TIAM1: variants seen among roughly 807,000 people sequenced by gnomAD.
TIAM1 encodes rho guanine nucleotide exchange factor TIAM1.
Under a neutral mutation model 163.5 loss-of-function variants are expected in TIAM1, and 65 were observed. The observed-to-expected ratio is 0.40, with a 90% CI of 0.33 to 0.49. The LOEUF is 0.49. TIAM1 is among the 20% of genes least tolerant of loss of function. The pLI, the probability that TIAM1 is intolerant of heterozygous loss-of-function variation, is 0.77. For synonymous variants in TIAM1, 833 were observed against 810.1 expected, an observed-to-expected ratio of 1.03 and a Z score of -0.48; for missense variants, 1,789 against 2,044.7, an observed-to-expected ratio of 0.87 and a Z score of 2.41.
intron 2 of TIAM1, among the ~76,000 whole-genome samples, chr21:31,433,955 A>G (rs528817892): frequency 7.0e-4 from 106 of 151,902 alleles, no homozygotes; most frequent in African/African-American, 2.5e-3. Context: ...GTACCACCAC[A>G]CCCGGCTAAT....
At chr21:31,516,895 C>G (rs2047400532) in intron 1 of TIAM1, among the ~76,000 whole-genome samples, 1 of 151,112 alleles carries the variant, frequency 6.6e-6, no homozygotes, top group Admixed American at 6.6e-5. Context: ...ACTAAAAATA[C>G]AAAAATTAGC....
chr21:31,292,489 C>T (rs1452517934), intron 2 of TIAM1, among the ~76,000 whole-genome samples: 1 of 151,694 alleles, frequency 6.6e-6, no homozygotes, highest in African/African-American at 2.4e-5. Flanking sequence ...CATGCCTCAG[C>T]CTCCCGAGTA....
At chr21:31,152,784 T>C in intron 18 of TIAM1, 23 bp from the exon 19 acceptor site, 1 of 1,613,036 alleles carries the variant, frequency 6.2e-7, no homozygotes, top group Non-Finnish European at 8.5e-7. Flanking sequence ...CAGAATTTAA[T>C]GCACCTCATA....
intron 12 of TIAM1, 66 bp downstream of exon 12, chr21:31,202,842 C>T (rs564374890): frequency 3.9e-5 from 56 of 1,447,876 alleles, no homozygotes; most frequent in African/African-American, 9.8e-5. Context: ...ACAATTAACA[C>T]GAGAACACTC....
At chr21:31,466,712 T>G (rs2045545465) in intron 1 of TIAM1, among the ~76,000 whole-genome samples, 1 of 152,196 alleles carries the variant, frequency 6.6e-6, no homozygotes, top group Non-Finnish European at 1.5e-5. Context: ...TGGTGCCCAG[T>G]AATACCTGAC....
intron 23 of TIAM1, among the ~76,000 whole-genome samples, chr21:31,134,023 G>A (rs777803034): frequency 4.6e-5 from 7 of 152,050 alleles, no homozygotes; most frequent in South Asian, 2.1e-4. Context: ...AGCCGAGAAC[G>A]CACCATTGCA....
intron 16 of TIAM1, among the ~76,000 whole-genome samples, chr21:31,163,877 AAGAG>A (rs60371057): frequency 0.017 from 2,580 of 152,360 alleles, 83 homozygotes; most frequent in African/African-American, 0.059. Flanking sequence ...AAGCAAAAAA[AAGAG>A]AGATCGTAGA....
In TIAM1 at chr21:31,130,205, G is replaced by C; in HGVS notation, c.4045+8C>G. On this transcript the variant is annotated splice_region_variant and intron_variant, in intron 25 of 27. Coordinates refer to ENST00000541036, the MANE Select transcript of TIAM1 (RefSeq NM_001353694.2). ...TGTGTGAAATACCCAGCACAGGTGA[G>C]AGTTTACCTGCACTCGCCAAAGCTC... 1 of 1,612,520 alleles carries C rather than the reference G, an allele frequency of 6.2e-7. No homozygotes were observed. Among genetic ancestry groups the C allele is most frequent in the Non-Finnish European group, 8.5e-7 (1 of 1,178,702 alleles).
chr21:31,558,413 A>G (rs1227031434), intron 1 of TIAM1, among the ~76,000 whole-genome samples: 1 of 152,100 alleles, frequency 6.6e-6, no homozygotes, highest in Non-Finnish European at 1.5e-5. Flanking sequence ...GGCGGCACGG[A>G]TCGCCAAGGT....
At chr21:31,555,905 TG>T (rs960469953) in intron 1 of TIAM1, among the ~76,000 whole-genome samples, 33 of 151,896 alleles carry the variant, frequency 2.2e-4, no homozygotes. Flanking sequence ...TGCAGGAATC[TG>T]GGGGGAAGGA....
At chr21:31,514,050 C>T (rs1406455099) in intron 1 of TIAM1, among the ~76,000 whole-genome samples, 3 of 152,052 alleles carry the variant, frequency 2.0e-5, no homozygotes, top group Non-Finnish European at 2.9e-5. Flanking sequence ...CCCCCAAAGG[C>T]CTGCGACAGA....
chr21:31,137,472 CTACCT>C (rs1240388803), intron 22 of TIAM1, among the ~76,000 whole-genome samples: 2 of 152,112 alleles, frequency 1.3e-5, no homozygotes, highest in African/African-American at 4.8e-5. Context: ...ATAGTCTCCA[CTACCT>C]ATCCCCCGAA....
At chr21:31,398,158 C>CA (rs34895602) in intron 2 of TIAM1, among the ~76,000 whole-genome samples, 6,625 of 51,708 alleles carry the variant, frequency 0.13, 614 homozygotes, top group Middle Eastern at 0.21. Context: ...ATCTTCAGGG[C>CA]AAAAAAAAAA....
chr21:31,266,708 T>G lies in TIAM1; in HGVS notation c.265A>C (p.Ile89Leu). ...DGTLEDFGSP[I>L]WVDRVDMGLR... ...CCCATGTCCACTCGGTCCACCCAGA[T>G]GGGGCTCCCGAAGTCTTCTAGGGTA... The change falls in exon 4 of 28, where the codon ATC becomes CTC. Residue 89 changes from isoleucine (I) to leucine (L), a missense_variant. Transcript: ENST00000541036. The G allele has an allele frequency of 6.2e-7, 1 of 1,614,138 alleles. No individual in the cohort carries two copies. The highest frequency in any genetic ancestry group is 8.5e-7 in the Non-Finnish European group (1 of 1,180,036).
At chr21:31,404,542 T>C (rs1196262577) in intron 2 of TIAM1, among the ~76,000 whole-genome samples, 1 of 152,048 alleles carries the variant, frequency 6.6e-6, no homozygotes, top group Non-Finnish European at 1.5e-5. Flanking sequence ...TGGTCTTTTT[T>C]TTTTTTTTTA....
intron 2 of TIAM1, among the ~76,000 whole-genome samples, chr21:31,282,281 T>A (rs1390714695): frequency 6.6e-6 from 1 of 152,224 alleles, no homozygotes; most frequent in East Asian, 1.9e-4. Context: ...ACCTCATCCT[T>A]CCACGGAGGC....
In TIAM1 at chr21:31,463,347, C is replaced by T. The variant is rs2833412; in HGVS notation, c.-369+636G>A. On this transcript the variant is annotated intron_variant, in intron 2 of 28. Transcript: ENST00000286827. ...TTCCTCTCACACTTCACACTCCGCC[C>T]GGAGCAAACCCTGTCAATTCAACCC... Among the ~76,000 whole-genome samples the T allele has an allele frequency of 8.4e-3, 1,276 of 152,242 alleles. 47 individuals carry two copies. The highest frequency in any genetic ancestry group is 0.057 in the Admixed American group (866 of 15,270).
intron 2 of TIAM1, among the ~76,000 whole-genome samples, chr21:31,289,501 A>C (rs1237482631): frequency 1.3e-5 from 2 of 152,194 alleles, no homozygotes; most frequent in African/African-American, 4.8e-5. Context: ...CAATTAAGGC[A>C]AAAGTACCAC....
chr21:31,549,946 A>T (rs1174362151), intron 1 of TIAM1, among the ~76,000 whole-genome samples: 1 of 152,092 alleles, frequency 6.6e-6, no homozygotes, highest in Non-Finnish European at 1.5e-5. Context: ...CAACATGGTG[A>T]AACTCTGTCT....
Sources: gnomAD v4.1 joint callset for allele counts (sites outside exome capture counted in the v4.1 genomes callset) on GRCh38, gnomAD v4.1.1 for gene constraint, MANE v1.5 for transcripts, NCBI Gene and HGNC (gene_info 2026-07-23, HGNC 2026-07-21) for gene names.